Variants in PKD1L3 observed in about 807,000 individuals in gnomAD.
PKD1L3 encodes the protein polycystin 1 like 3, transient receptor potential channel interacting, also known as polycystin-1-like protein 3.
PKD1L3 carries 239 observed loss-of-function variants against 184.1 expected under a neutral mutation model. That is an observed-to-expected ratio of 1.30 (90% CI 1.17 to 1.45). PKD1L3 has a LOEUF of 1.45. Among genes scored for constraint, PKD1L3 ranks in the 40% most tolerant of loss-of-function variants. PKD1L3 has a pLI of 0.00. For missense variants in PKD1L3, 2,660 were observed against 2,067.2 expected, an observed-to-expected ratio of 1.29 and a Z score of -5.56; for synonymous variants, 996 against 778.8, an observed-to-expected ratio of 1.28 and a Z score of -4.64.
At chr16:71,945,186 T>A (rs953982435) in intron 22 of PKD1L3, among the ~76,000 whole-genome samples, 3 of 146,800 alleles carry the variant, frequency 2.0e-5, no homozygotes, top group Non-Finnish European at 4.5e-5. Context: ...ATTCTCAGAT[T>A]TTAATGTGCA....
chr16:71,935,957 G>A (rs779548848), intron 25 of PKD1L3, among the ~76,000 whole-genome samples: 1 of 151,328 alleles, frequency 6.6e-6, no homozygotes, highest in Non-Finnish European at 1.5e-5. Flanking sequence ...CACCATGCCC[G>A]GCTAAGTTTT....
At chr16:71,934,557 C>T (rs1330851169) in intron 26 of PKD1L3, among the ~76,000 whole-genome samples, 5 of 152,122 alleles carry the variant, frequency 3.3e-5, no homozygotes, top group Non-Finnish European at 5.9e-5. Context: ...TACAGGATTG[C>T]TGTAATAGGT....
chr16:71,942,357 A>G (rs1389679887), intron 24 of PKD1L3, among the ~76,000 whole-genome samples: 2 of 152,100 alleles, frequency 1.3e-5, no homozygotes, highest in East Asian at 1.9e-4. Context: ...AAATCCTGCA[A>G]GAAAGAAATT....
Position 71,980,035 on chromosome 16 carries a change from AG to A in PKD1L3, c.1242del (p.Ser415LeufsTer8), listed in dbSNP as rs1321739962. The A allele has an allele frequency of 7.7e-6, 12 of 1,552,118 alleles. No individual in the cohort carries two copies. The highest frequency in any genetic ancestry group is 1.0e-5 in the Non-Finnish European group (12 of 1,147,104). ...NQSPESSVTL[T>X]SANATLLLSR... ...CTCAGCAGCAGAGTAGCATTGGCAG[AG>A]GTCAAAGTCACTGAAGACTCGGGAG... On this transcript the variant is annotated frameshift_variant, in exon 8 of 30. Transcript: ENST00000620267. LOFTEE classifies it high-confidence loss of function.
Position 71,998,212 on chromosome 16 carries a change from C to T in PKD1L3, c.418+60G>A, listed in dbSNP as rs548508338. 2.6e-6 allele frequency: 4 copies of T among 1,543,234 alleles called. No individual in the cohort carries two copies. In the African/African-American group the frequency reaches 5.5e-5, roughly 21 times the overall value. ...TTAACCAATATTCTCACATGCACTC[C>T]TTATTTAGAATCAGTTTCTAAAATT... is the stretch of plus-strand genomic sequence containing the variant. On this transcript the variant is annotated intron_variant, in intron 2 of 29. Transcript: ENST00000620267.
At chr16:71,983,806 G>A (rs1373499173) in intron 6 of PKD1L3, among the ~76,000 whole-genome samples, 2 of 150,946 alleles carry the variant, frequency 1.3e-5, no homozygotes, top group African/African-American at 4.9e-5. Context: ...TGAGATTACA[G>A]GTGCCCGCCA....
chr16:71,971,055 G>C (rs74027745), intron 12 of PKD1L3, among the ~76,000 whole-genome samples: 2,661 of 152,172 alleles, frequency 0.017, 76 homozygotes, highest in African/African-American at 0.058. Context: ...CCTAGACTTG[G>C]GCATGGCACG....
intron 16 of PKD1L3, among the ~76,000 whole-genome samples, chr16:71,955,031 T>G (rs548306446): frequency 2.0e-5 from 3 of 150,684 alleles, no homozygotes; most frequent in Admixed American, 2.0e-4. Flanking sequence ...ACATTTATAG[T>G]AAGGAGGTGA....
intron 9 of PKD1L3, among the ~76,000 whole-genome samples, 159 bp from the exon 10 acceptor site, chr16:71,978,542 C>CTTTTTT (rs11329882): frequency 1.7e-5 from 1 of 57,814 alleles, no homozygotes; most frequent in Non-Finnish European, 3.3e-5. Context: ...TACATACATA[C>CTTTTTT]TTTTTTTTTT....
Position 71,970,043 on chromosome 16 carries a change from G to A in PKD1L3, c.2016C>T (p.Ala672=), listed in dbSNP as rs1326205731. 2.6e-6 allele frequency: 4 copies of A among 1,551,644 alleles called. No individual in the cohort carries two copies. The Admixed American group carries it at 5.9e-5, about 23-fold the overall frequency. The change falls in exon 13 of 30, where the codon GCC becomes GCT. Residue 672 remains alanine (A), a synonymous_variant. Coordinates refer to ENST00000620267, the MANE Select transcript of PKD1L3 (RefSeq NM_181536.2). Reference sequence around the variant, plus strand: ...TCCTGGGCACGACAAAGAAGTCGCTGGCAAAGAAGGTCAGGTGGTTACAGA... The same window carrying A: ...TCCTGGGCACGACAAAGAAGTCGCTAGCAAAGAAGGTCAGGTGGTTACAGA... The part of the protein sequence containing the change: ...QCLCNHLTFF[A]SDFFVVPRTV...
At chr16:71,976,264 CTTTTTTTTTTTTTT>C (rs71153688) in intron 11 of PKD1L3, among the ~76,000 whole-genome samples, 1 of 81,776 alleles carries the variant, frequency 1.2e-5, no homozygotes, top group Non-Finnish European at 2.3e-5. Flanking sequence ...CCCAGCCTGT[CTTTTTTTTTTTTTT>C]TTAAGACAGT....
chr16:71,967,367 T>C, intron 14 of PKD1L3, 52 bp from the exon 15 acceptor site: 1 of 1,494,206 alleles, frequency 6.7e-7, no homozygotes, highest in Non-Finnish European at 9.0e-7. Flanking sequence ...CACAATTCTT[T>C]GGGTTTATCC....
chr16:71,988,670 C>G (rs140812092), intron 4 of PKD1L3, among the ~76,000 whole-genome samples: 1 of 152,318 alleles, frequency 6.6e-6, no homozygotes, highest in African/African-American at 2.4e-5. Context: ...AACTCCACCT[C>G]CATTCTCTTA....
At chr16:71,971,995 T>C (rs2039729140) in intron 12 of PKD1L3, among the ~76,000 whole-genome samples, 1 of 152,058 alleles carries the variant, frequency 6.6e-6, no homozygotes, top group Non-Finnish European at 1.5e-5. Context: ...GGCAGGCGGA[T>C]CACGAGGACA....
Position 71,963,313 on chromosome 16 carries a change from T to A in PKD1L3, c.2504A>T (p.Lys835Met). ...SQVIVCDMAV[K>M]RKWHFLCNCW... ...ATTGCACAGGAAATGCCACTTCCTC[T>A]TAACTGCCATGTCACAGACAATTAC... Residue 835 changes from lysine (K) to methionine (M), a missense_variant, in exon 16 of 30, where the codon AAG becomes ATG. By Grantham distance (95) the Lys-to-Met change is moderately conservative. Coordinates refer to ENST00000620267, the MANE Select transcript of PKD1L3 (RefSeq NM_181536.2). 4 of 1,551,378 alleles carry A rather than the reference T, an allele frequency of 2.6e-6. No homozygotes were observed. The East Asian group carries it at 7.3e-5, about 28-fold the overall frequency.
chr16:71,942,306 C>G (rs55746831), intron 24 of PKD1L3, among the ~76,000 whole-genome samples: 11,364 of 152,136 alleles, frequency 0.075, 1,387 homozygotes, highest in African/African-American at 0.25. Flanking sequence ...GCACTCCAGC[C>G]TGGGCGACAG....
intron 2 of PKD1L3, among the ~76,000 whole-genome samples, chr16:71,995,839 T>G (rs957285793): frequency 2.0e-5 from 3 of 152,220 alleles, no homozygotes; most frequent in Non-Finnish European, 2.9e-5. Context: ...ATATACAGAT[T>G]ATATCTTACT....
At position 71,967,898 on chromosome 16, in the gene PKD1L3, T is replaced by C. The variant is rs200352668; in HGVS notation, c.2286+8A>G. ...CAAGGCAATGTGAAAAACATTTATT[T>C]CATTAACCTTAGCTGTTGTAGCAGC... On this transcript the variant is annotated splice_region_variant and intron_variant, in intron 14 of 29. Transcript: ENST00000620267. The C allele has an allele frequency of 1.1e-4, 172 of 1,544,230 alleles. 2 individuals carry two copies. Among genetic ancestry groups the C allele is most frequent in the Non-Finnish European group, 1.5e-5 (17 of 1,141,268 alleles).
chr16:71,978,411 T>A, intron 9 of PKD1L3, 28 bp from the exon 10 acceptor site: 1 of 1,536,098 alleles, frequency 6.5e-7, no homozygotes, highest in Non-Finnish European at 8.8e-7. Context: ...CCCAGTTTTA[T>A]CCATTGCTGA....
Sources: gnomAD v4.1 joint callset for allele counts (sites outside exome capture counted in the v4.1 genomes callset) on GRCh38, gnomAD v4.1.1 for gene constraint, MANE v1.5 for transcripts, NCBI Gene and HGNC (gene_info 2026-07-23, HGNC 2026-07-21) for gene names.